ZFR: variants seen among roughly 807,000 people sequenced by gnomAD.
The protein encoded by ZFR is zinc finger RNA binding protein.
In ZFR, 19 loss-of-function variants were observed where a neutral mutation model predicts 130.7. The observed-to-expected ratio is 0.15, with a 90% confidence interval of 0.10 to 0.21. The LOEUF (loss-of-function observed/expected upper bound fraction) is 0.21. Ranked by LOEUF, ZFR falls within the 10% of genes least tolerant of loss-of-function variation. The probability of loss-of-function intolerance (pLI) is 1.00; values close to 1 mark genes in which losing one functional copy is unlikely to be tolerated. For missense variants in ZFR, 872 were observed against 1,321.5 expected (o/e 0.66, Z 5.27); for synonymous variants, 466 against 456.9 (o/e 1.02, Z -0.25).
chr5:32,372,222 G>A (rs79297411), intron 17 of ZFR, among the ~76,000 whole-genome samples: 2,554 of 152,286 alleles, frequency 0.017, 37 homozygotes, highest in Non-Finnish European at 0.026. Context: ...ATCAAAAAAG[G>A]TGAGAATAGA....
intron 2 of ZFR, among the ~76,000 whole-genome samples, chr5:32,433,828 C>T (rs1217608618): frequency 6.6e-6 from 1 of 152,172 alleles, no homozygotes; most frequent in Non-Finnish European, 1.5e-5. Flanking sequence ...GGCCTGTAAT[C>T]CCTGCACTTT....
chr5:32,379,491 TA>T (rs10637155), intron 16 of ZFR: 230 of 225,904 alleles, frequency 1.0e-3, no homozygotes, highest in East Asian at 4.2e-3. Flanking sequence ...ACAGTAAACT[TA>T]AAAAAAAAAA....
At chr5:32,360,724 A>G (rs1220602874) in intron 19 of ZFR, among the ~76,000 whole-genome samples, 2 of 152,188 alleles carry the variant, frequency 1.3e-5, no homozygotes, top group Non-Finnish European at 2.9e-5. Flanking sequence ...ACAGCAATCC[A>G]TGTTTAACTT....
At chr5:32,432,576 C>A (rs773110873) in intron 2 of ZFR, among the ~76,000 whole-genome samples, 1 of 152,070 alleles carries the variant, frequency 6.6e-6, no homozygotes, top group Non-Finnish European at 1.5e-5. Flanking sequence ...GTAATCCTCT[C>A]CCCTCAGCCT....
chr5:32,433,855 C>T (rs958022111), intron 2 of ZFR, among the ~76,000 whole-genome samples: 1 of 152,100 alleles, frequency 6.6e-6, no homozygotes, highest in East Asian at 1.9e-4. Flanking sequence ...CCAAGGCAGG[C>T]GGATCGCTTG....
chr5:32,370,915 C>T lies in ZFR; in HGVS notation c.2836-6640G>A, dbSNP rs1443628652. Among the ~76,000 whole-genome samples the T allele has an allele frequency of 2.0e-5, 3 of 152,216 alleles. No individual in the cohort carries two copies. In the Middle Eastern group the frequency reaches 0.01, roughly 518 times the overall value. On this transcript the variant is annotated intron_variant, in intron 17 of 19. Transcript: ENST00000265069. ...AAGGCCACAAAAGCAGGCATTGTTA[C>T]TTAAGGATTTGTTCAAAGTAATCTG... is the stretch of plus-strand genomic sequence containing the variant.
intron 2 of ZFR, among the ~76,000 whole-genome samples, chr5:32,425,803 G>C (rs1754061338): frequency 6.6e-6 from 1 of 152,224 alleles, no homozygotes; most frequent in South Asian, 2.1e-4. Context: ...TGGGATTACA[G>C]GCATGAGCCA....
At chr5:32,443,592 G>T (rs1754520462) in intron 2 of ZFR, among the ~76,000 whole-genome samples, 1 of 152,272 alleles carries the variant, frequency 6.6e-6, no homozygotes, top group African/African-American at 2.4e-5. Flanking sequence ...CTCCTTGCAG[G>T]AAAAACTAAA....
At chr5:32,370,833 G>C (rs546160939) in intron 17 of ZFR, among the ~76,000 whole-genome samples, 9 of 152,246 alleles carry the variant, frequency 5.9e-5, no homozygotes, top group East Asian at 3.9e-4. Context: ...CATGACAGAA[G>C]AACAACTAAT....
At chr5:32,410,681 AC>A (rs1367509496) in intron 5 of ZFR, among the ~76,000 whole-genome samples, 3 of 152,220 alleles carry the variant, frequency 2.0e-5, no homozygotes, top group Non-Finnish European at 4.4e-5. Context: ...GATACCAGAA[AC>A]AAAAAAAATT....
chr5:32,367,196 G>A (rs1255380177), intron 17 of ZFR, among the ~76,000 whole-genome samples: 1 of 152,122 alleles, frequency 6.6e-6, no homozygotes, highest in African/African-American at 2.4e-5. Flanking sequence ...CACTTTGGGA[G>A]GTCAAGGTGG....
chr5:32,415,207 T>A lies in ZFR; in HGVS notation c.566-20A>T. On this transcript the variant is annotated intron_variant, in intron 4 of 19. Coordinates refer to ENST00000265069, the MANE Select transcript of ZFR (RefSeq NM_016107.5). ...TGGGGGCTGAAGTAGGAAAGAGACA[T>A]CAGAAAATTAGAAGAGTAAGCCACT... 6.2e-7 allele frequency: 1 copy of A among 1,609,692 alleles called. No individual in the cohort carries two copies. The highest frequency in any genetic ancestry group is 8.5e-7 in the Non-Finnish European group (1 of 1,176,500).
At chr5:32,432,036 G>A (rs1332307927) in intron 2 of ZFR, among the ~76,000 whole-genome samples, 1 of 150,566 alleles carries the variant, frequency 6.6e-6, no homozygotes, top group Non-Finnish European at 1.5e-5. Context: ...TTGTCACCCA[G>A]GCTGGAGTGC....
At position 32,419,977 on chromosome 5, in the gene ZFR, T is replaced by C; in HGVS notation, c.264A>G (p.Ala88=). The C allele has an allele frequency of 6.2e-7, 1 of 1,613,906 alleles. No individual in the cohort carries two copies. The highest frequency in any genetic ancestry group is 8.5e-7 in the Non-Finnish European group (1 of 1,180,000). ...CAGCTACTGGAGCAGGCCTGGCAAC[T>C]GCAACTGTGGCGGCTGCTGGTGCAT... The part of the protein sequence containing the change: ...AAYAPAAATV[A]VARPAPVAVA... The change falls in exon 3 of 20, where the codon GCA becomes GCG. Residue 88 remains alanine (A), a synonymous_variant. Coordinates refer to ENST00000265069, the MANE Select transcript of ZFR (RefSeq NM_016107.5).
At chr5:32,434,081 C>T (rs565637770) in intron 2 of ZFR, among the ~76,000 whole-genome samples, 1 of 152,268 alleles carries the variant, frequency 6.6e-6, no homozygotes, top group South Asian at 2.1e-4. Flanking sequence ...AAAACAACAA[C>T]AAAAAGGTGA....
At chr5:32,362,874 C>G (rs1473048440) in intron 19 of ZFR, among the ~76,000 whole-genome samples, 3 of 152,132 alleles carry the variant, frequency 2.0e-5, no homozygotes, top group Non-Finnish European at 2.9e-5. Context: ...TGTTAGTTTT[C>G]AAGTGTTTCC....
At chr5:32,370,962 T>C (rs1018010875) in intron 17 of ZFR, among the ~76,000 whole-genome samples, 2 of 152,202 alleles carry the variant, frequency 1.3e-5, no homozygotes, top group Non-Finnish European at 2.9e-5. Context: ...AAATTAAACA[T>C]AATACAGTTC....
intron 2 of ZFR, among the ~76,000 whole-genome samples, chr5:32,434,576 ACCAC>A (rs1480161993): frequency 6.6e-6 from 1 of 152,222 alleles, no homozygotes; most frequent in African/African-American, 2.4e-5. Flanking sequence ...TCACTACTGT[ACCAC>A]CCTTGTAGGT....
Position 32,379,195 on chromosome 5 carries a change from G to A in ZFR, c.2755C>T (p.Leu919=). 6.2e-7 allele frequency: 1 copy of A among 1,613,870 alleles called. No homozygotes were observed. The highest frequency in any genetic ancestry group is 2.2e-5 in the East Asian group (1 of 44,840). ...AKWFQARANG[L]QSCVIIIRIL... is the part of the protein sequence containing the mutation. ...CGTATGATAATCACACAGGACTGCAGACCATTAGCTCTAGCCTTGAGAGCA... is the reference window on the plus strand; with the variant it reads ...CGTATGATAATCACACAGGACTGCAAACCATTAGCTCTAGCCTTGAGAGCA... Residue 919 remains leucine (L), a synonymous_variant, in exon 17 of 20, where the codon CTG becomes TTG. Coordinates refer to ENST00000265069, the MANE Select transcript of ZFR (RefSeq NM_016107.5).
Sources: allele counts gnomAD v4.1 joint callset (sites outside exome capture counted in the v4.1 genomes callset), GRCh38; gene constraint gnomAD v4.1.1; transcripts MANE v1.5; gene names NCBI Gene and HGNC (gene_info 2026-07-23, HGNC 2026-07-21).